The following RPAP2 variants were observed in gnomAD, a reference collection of about 807,000 sequenced individuals.
RPAP2 encodes the protein RNA polymerase II associated protein 2, also known as putative RNA polymerase II subunit B1 CTD phosphatase RPAP2.
In RPAP2, 52 loss-of-function variants were observed where a neutral mutation model predicts 73.1. The ratio of observed to expected loss-of-function variants is 0.71; its 90% CI spans 0.57 to 0.90. The LOEUF (loss-of-function observed/expected upper bound fraction) is 0.90. RPAP2 is among the 40% of genes least tolerant of loss of function. The pLI is 0.00. For synonymous variants in RPAP2, 225 were observed against 242.1 expected, an observed-to-expected ratio of 0.93 and a Z score of 0.65; for missense variants, 598 against 701.8, an observed-to-expected ratio of 0.85 and a Z score of 1.67.
At chr1:92,304,748 G>A (rs540238170) in intron 5 of RPAP2, among the ~76,000 whole-genome samples, 10 of 152,264 alleles carry the variant, frequency 6.6e-5, no homozygotes, top group Non-Finnish European at 1.0e-4. Context: ...AATTAGTTAT[G>A]CAAATGGAAA....
chr1:92,343,352 A>G (rs1653702895), intron 10 of RPAP2, among the ~76,000 whole-genome samples: 1 of 152,174 alleles, frequency 6.6e-6, no homozygotes, highest in Non-Finnish European at 1.5e-5. Context: ...TATTGTCCTT[A>G]TTTTACCAAA....
At chr1:92,384,184 T>C (rs1655768089) in intron 12 of RPAP2, among the ~76,000 whole-genome samples, 1 of 151,460 alleles carries the variant, frequency 6.6e-6, no homozygotes, top group African/African-American at 2.4e-5. Context: ...TCTCGATTTC[T>C]TGACCTCGTG....
chr1:92,345,878 C>A lies in RPAP2; in HGVS notation c.1652C>A (p.Ala551Glu). 1 of 1,604,002 alleles carries A rather than the reference C, an allele frequency of 6.2e-7. No individual in the cohort carries two copies. The highest frequency in any genetic ancestry group is 8.5e-7 in the Non-Finnish European group (1 of 1,172,160). Residue 551 changes from alanine to glutamate, a missense_variant, in exon 11 of 13, where the codon GCG (alanine) becomes GAG (glutamate). Ala to Glu is a moderately radical substitution (Grantham distance 107, BLOSUM62 -1). Coordinates refer to ENST00000610020, the MANE Select transcript of RPAP2 (RefSeq NM_024813.3). Reference sequence around the variant, plus strand: ...AATAGAAATATTATACACAAACCTGCGGAATGGACTTTAATTGCTATGGTG... The same window carrying A: ...AATAGAAATATTATACACAAACCTGAGGAATGGACTTTAATTGCTATGGTG... ...LTNRNIIHKP[A>E]EWTLIAMVLL...
At chr1:92,358,301 C>T (rs1463634316) in intron 11 of RPAP2, among the ~76,000 whole-genome samples, 1 of 152,144 alleles carries the variant, frequency 6.6e-6, no homozygotes, top group African/African-American at 2.4e-5. Flanking sequence ...ATATGTTTCT[C>T]ATCATAGTCT....
intron 1 of RPAP2, among the ~76,000 whole-genome samples, chr1:92,299,449 A>G (rs374133172): frequency 1.3e-5 from 2 of 152,222 alleles, no homozygotes; most frequent in South Asian, 4.2e-4. Flanking sequence ...TTTCGGGGCA[A>G]GTGACTAGGG....
intron 11 of RPAP2, among the ~76,000 whole-genome samples, chr1:92,371,319 A>AAAAAAAT (rs1199565882): frequency 6.5e-5 from 4 of 61,730 alleles, no homozygotes; most frequent in African/African-American, 2.9e-4. Context: ...AAAAAAAAAA[A>AAAAAAAT]ATATATATAT....
chr1:92,387,827 G>A lies in RPAP2; in HGVS notation c.*816G>A, dbSNP rs1314507888. Reference sequence around the variant, plus strand: ...CTTGGCTCCACCAGTAATTAGCTCTGTGGCCCAGTCACCTAAACTTTCTGG... The same window carrying A: ...CTTGGCTCCACCAGTAATTAGCTCTATGGCCCAGTCACCTAAACTTTCTGG... On this transcript the variant is annotated 3_prime_UTR_variant, in exon 13 of 13. Coordinates refer to ENST00000610020, the MANE Select transcript of RPAP2 (RefSeq NM_024813.3). The A allele has an allele frequency of 6.6e-6, 1 of 152,170 alleles. No individual in the cohort carries two copies. Among genetic ancestry groups the A allele is most frequent in the African/African-American group, 2.4e-5 (1 of 41,450 alleles). The allele number at this position is 152,170 out of a possible 1,614,324, so 9.4% of individuals were successfully genotyped here. A position where few individuals can be genotyped will look rare whatever the true frequency, so the allele number is the denominator to read the frequency against.
chr1:92,341,673 C>A (rs1243638616), intron 10 of RPAP2, among the ~76,000 whole-genome samples: 1 of 152,174 alleles, frequency 6.6e-6, no homozygotes, highest in East Asian at 1.9e-4. Flanking sequence ...TGAGTTGTAT[C>A]TTGCTCTGTC....
intron 6 of RPAP2, among the ~76,000 whole-genome samples, chr1:92,312,445 CCT>C (rs1460736255): frequency 1.3e-5 from 2 of 151,970 alleles, no homozygotes; most frequent in East Asian, 3.9e-4. Flanking sequence ...TGAAGTCAGT[CCT>C]CTCAAACTTC....
At chr1:92,363,070 A>T (rs1224022570) in intron 11 of RPAP2, among the ~76,000 whole-genome samples, 2 of 152,162 alleles carry the variant, frequency 1.3e-5, no homozygotes, top group Admixed American at 6.5e-5. Flanking sequence ...TCCAGGGGGA[A>T]AAAAATGCAC....
chr1:92,366,113 T>C (rs1654923957), intron 11 of RPAP2, among the ~76,000 whole-genome samples: 1 of 152,200 alleles, frequency 6.6e-6, no homozygotes. Context: ...AGCTCCAATT[T>C]AGAAAGTTTC....
At chr1:92,319,385 T>C (rs1438246249) in intron 6 of RPAP2, among the ~76,000 whole-genome samples, 1 of 152,216 alleles carries the variant, frequency 6.6e-6, no homozygotes, top group Non-Finnish European at 1.5e-5. Flanking sequence ...TCCTTATCTA[T>C]AACATGGGGA....
Position 92,333,440 on chromosome 1 carries a change from G to C in RPAP2, c.1505G>C (p.Arg502Thr). ...GACTCAAGTTCCCAGAACCAGATTAGAAAACGCATCGTACTTGAAAAGTTG... is the reference window on the plus strand; with the variant it reads ...GACTCAAGTTCCCAGAACCAGATTACAAAACGCATCGTACTTGAAAAGTTG... ...LIDSSSQNQIRKRIVLEKLSK... is the reference protein window; with the variant it reads ...LIDSSSQNQITKRIVLEKLSK... The change falls in exon 9 of 13, where the codon AGA becomes ACA. Residue 502 changes from arginine to threonine, a missense_variant. Physicochemically the swap from Arg to Thr is moderately conservative, Grantham distance 71. Coordinates refer to ENST00000610020, the MANE Select transcript of RPAP2 (RefSeq NM_024813.3). 6.2e-7 allele frequency: 1 copy of C among 1,613,626 alleles called. No homozygotes were observed. The highest frequency in any genetic ancestry group is 8.5e-7 in the Non-Finnish European group (1 of 1,179,676).
At chr1:92,373,742 A>AAAAT (rs1655262134) in intron 11 of RPAP2, among the ~76,000 whole-genome samples, 1 of 109,464 alleles carries the variant, frequency 9.1e-6, no homozygotes, top group Non-Finnish European at 1.6e-5. Flanking sequence ...CTAAAAATAA[A>AAAAT]AAAAAAAAAA....
At chr1:92,351,719 A>T (rs1654228623) in intron 11 of RPAP2, among the ~76,000 whole-genome samples, 1 of 152,178 alleles carries the variant, frequency 6.6e-6, no homozygotes, top group South Asian at 2.1e-4. Context: ...AGCCAAAGAG[A>T]AGACATATAG....
At chr1:92,329,828 C>G (rs969349727) in intron 8 of RPAP2, among the ~76,000 whole-genome samples, 1 of 152,140 alleles carries the variant, frequency 6.6e-6, no homozygotes, top group Non-Finnish European at 1.5e-5. Context: ...CACATATTTT[C>G]AGAATGAGTG....
chr1:92,377,407 A>G (rs992758476), intron 11 of RPAP2, among the ~76,000 whole-genome samples: 2 of 151,366 alleles, frequency 1.3e-5, no homozygotes, highest in East Asian at 3.9e-4. Context: ...TAGTCCAGCT[A>G]CTCAGGAGGC....
chr1:92,353,280 A>T (rs1220460366), intron 11 of RPAP2, among the ~76,000 whole-genome samples: 2 of 152,192 alleles, frequency 1.3e-5, no homozygotes, highest in Non-Finnish European at 2.9e-5. Context: ...TGTTTTCCAC[A>T]GTGGTTGTAT....
At chr1:92,381,366 C>A (rs1429116066) in intron 12 of RPAP2, among the ~76,000 whole-genome samples, 1 of 152,144 alleles carries the variant, frequency 6.6e-6, no homozygotes, top group East Asian at 1.9e-4. Context: ...AACCCTGTTC[C>A]CAGATACACA....
Sources: allele counts gnomAD v4.1 joint callset (sites outside exome capture counted in the v4.1 genomes callset), GRCh38; gene constraint gnomAD v4.1.1; transcripts MANE v1.5; gene names NCBI Gene and HGNC (gene_info 2026-07-23, HGNC 2026-07-21).